Variants in SDK1 observed in about 807,000 individuals in gnomAD.
SDK1 encodes the protein sidekick cell adhesion molecule 1, also known as protein sidekick-1.
Under a neutral mutation model 245.5 loss-of-function variants are expected in SDK1, and 157 were observed. The ratio of observed to expected loss-of-function variants is 0.64; its 90% CI spans 0.56 to 0.73. SDK1 has a LOEUF of 0.73. SDK1 is among the 30% of genes least tolerant of loss of function. SDK1 has a pLI of 0.00. For synonymous variants in SDK1, 1,647 were observed against 1,278.5 expected (o/e 1.29, Z -6.15); for missense variants, 3,583 against 3,002.3 (o/e 1.19, Z -4.52).
chr7:4,250,407 G>A (rs989613537), intron 44 of SDK1, among the ~76,000 whole-genome samples: 1 of 151,916 alleles, frequency 6.6e-6, no homozygotes, highest in African/African-American at 2.4e-5. Context: ...GCAGTGGCAT[G>A]ATCTCAGCTC....
intron 1 of SDK1, among the ~76,000 whole-genome samples, chr7:3,340,058 A>C (rs1451264659): frequency 6.6e-6 from 1 of 152,192 alleles, no homozygotes; most frequent in Non-Finnish European, 1.5e-5. Context: ...GAAATCCCAC[A>C]GATAACTTTG....
intron 32 of SDK1, among the ~76,000 whole-genome samples, chr7:4,172,281 A>G (rs1387759709): frequency 6.6e-6 from 1 of 150,894 alleles, no homozygotes; most frequent in Non-Finnish European, 1.5e-5. Context: ...ATTTTGGAAA[A>G]CCTCCTGAGT....
chr7:4,112,177 T>C (rs1359566756), intron 23 of SDK1, among the ~76,000 whole-genome samples: 1 of 152,100 alleles, frequency 6.6e-6, no homozygotes, highest in Non-Finnish European at 1.5e-5. Flanking sequence ...AAGGTGAACA[T>C]TGGTTCAGTC....
Position 4,114,209 on chromosome 7 carries a change from A to G in SDK1, c.3758A>G (p.Gln1253Arg), listed in dbSNP as rs754875378. Residue 1253 changes from glutamine (Q) to arginine (R), a missense_variant, in exon 25 of 45, where the codon CAG becomes CGG. Transcript: ENST00000404826. ...EEWMEYELQM[Q>R]AFNAVGAGPW... is the part of the protein sequence containing the mutation. ...TGGATGGAATACGAGCTGCAGATGCAGGCCTTCAACGCCGTCGGGGCTGGG... is the reference window on the plus strand; with the variant it reads ...TGGATGGAATACGAGCTGCAGATGCGGGCCTTCAACGCCGTCGGGGCTGGG... 8.7e-6 allele frequency: 14 copies of G among 1,613,824 alleles called. No homozygotes were observed. The highest frequency in any genetic ancestry group is 1.7e-6 in the Non-Finnish European group (2 of 1,179,978).
At chr7:3,505,238 C>T (rs1270249702) in intron 1 of SDK1, among the ~76,000 whole-genome samples, 2 of 152,036 alleles carry the variant, frequency 1.3e-5, no homozygotes, top group Non-Finnish European at 2.9e-5. Flanking sequence ...TTACAATACA[C>T]ATCTGTAATT....
chr7:3,962,790 C>A lies in SDK1; in HGVS notation c.1368C>A (p.Phe456Leu). 6.2e-7 allele frequency: 1 copy of A among 1,613,668 alleles called. No individual in the cohort carries two copies. The highest frequency in any genetic ancestry group is 8.5e-7 in the Non-Finnish European group (1 of 1,179,828). Residue 456 changes from phenylalanine (F) to leucine (L), a missense_variant, in exon 9 of 45, where the codon TTC becomes TTA. Physicochemically the swap from Phe to Leu is conservative, Grantham distance 22 (BLOSUM62 0). Transcript: ENST00000404826. ...QKLRPEDSGI[F>L]QCFASNEGGE... is the part of the protein sequence containing the mutation. ...TGCGTCCAGAGGACTCCGGAATCTT[C>A]CAGTGCTTCGCCAGCAATGAAGGAG...
intron 5 of SDK1, among the ~76,000 whole-genome samples, chr7:3,895,670 G>C (rs1781585941): frequency 6.6e-6 from 1 of 152,072 alleles, no homozygotes; most frequent in Non-Finnish European, 1.5e-5. Context: ...GCGTAAAGTG[G>C]ATACTTAGAT....
At chr7:3,828,293 T>TAATA (rs1013752533) in intron 5 of SDK1, among the ~76,000 whole-genome samples, 1 of 151,738 alleles carries the variant, frequency 6.6e-6, no homozygotes, top group Non-Finnish European at 1.5e-5. Flanking sequence ...AAAATAATAA[T>TAATA]AATAAATAAA....
At chr7:3,687,406 C>T (rs892704976) in intron 4 of SDK1, among the ~76,000 whole-genome samples, 2 of 152,144 alleles carry the variant, frequency 1.3e-5, no homozygotes, top group Admixed American at 6.5e-5. Flanking sequence ...GGATTACAGG[C>T]GTGAGCCACC....
intron 5 of SDK1, among the ~76,000 whole-genome samples, chr7:3,877,391 A>G (rs888984389): frequency 6.6e-6 from 1 of 152,178 alleles, no homozygotes; most frequent in East Asian, 1.9e-4. Flanking sequence ...CTGCTATGAC[A>G]TTGTTAAACG....
chr7:3,500,196 A>G (rs1194184013), intron 1 of SDK1, among the ~76,000 whole-genome samples: 3 of 151,964 alleles, frequency 2.0e-5, no homozygotes, highest in Non-Finnish European at 4.4e-5. Flanking sequence ...TTTAGCTCTG[A>G]TCCTGTGATC....
rs180981046 is a variant in SDK1, at chr7:3,892,820, A to G, written c.848-58103A>G. Among the ~76,000 whole-genome samples the G allele has an allele frequency of 1.4e-3, 209 of 152,232 alleles. 1 individual carries two copies. Among genetic ancestry groups the G allele is most frequent in the African/African-American group, 4.9e-3 (203 of 41,542 alleles). On this transcript the variant is annotated intron_variant, in intron 5 of 44. Transcript: ENST00000404826. Reference sequence around the variant, plus strand: ...CAGTCCGGAAAGCTGAGTTCCTCTTACCCGTATCCCTGCAGCAAGCCACTT... The same window carrying G: ...CAGTCCGGAAAGCTGAGTTCCTCTTGCCCGTATCCCTGCAGCAAGCCACTT...
At chr7:3,913,589 G>A (rs75928851) in intron 5 of SDK1, among the ~76,000 whole-genome samples, 8,633 of 152,002 alleles carry the variant, frequency 0.057, 782 homozygotes, top group African/African-American at 0.19. Context: ...CACCGTGCCC[G>A]GCCCTGTTAC....
intron 5 of SDK1, among the ~76,000 whole-genome samples, chr7:3,939,746 C>G (rs185480006): frequency 5.4e-4 from 82 of 152,334 alleles, no homozygotes; most frequent in African/African-American, 1.9e-3. Context: ...CCTGAGCTAT[C>G]CAGATGCCTG....
chr7:3,831,022 G>C (rs768380837), intron 5 of SDK1, among the ~76,000 whole-genome samples: 3 of 152,008 alleles, frequency 2.0e-5, no homozygotes, highest in Non-Finnish European at 2.9e-5. Context: ...GAAGTACTTT[G>C]TCTACTCTCC....
intron 4 of SDK1, among the ~76,000 whole-genome samples, chr7:3,715,241 TTTTAC>T (rs1425344660): frequency 1.3e-5 from 2 of 152,220 alleles, no homozygotes; most frequent in African/African-American, 4.8e-5. Context: ...TAAGGTTTTA[TTTTAC>T]TTTTTGCAGA....
chr7:3,764,380 TCATAGATTAAAATAAC>T (rs1481094928), intron 4 of SDK1, among the ~76,000 whole-genome samples: 1 of 152,156 alleles, frequency 6.6e-6, no homozygotes, highest in Non-Finnish European at 1.5e-5. Flanking sequence ...GCGATGCAAT[TCATAGATTAAAATAAC>T]CATCCTAGGC....
intron 1 of SDK1, among the ~76,000 whole-genome samples, chr7:3,553,788 G>C (rs115357109): frequency 1.3e-5 from 2 of 152,264 alleles, no homozygotes; most frequent in African/African-American, 4.8e-5. Flanking sequence ...GAGAGGAATA[G>C]GTGGTTAGGA....
rs573865228 is a variant in SDK1 at position 4,268,265 on chromosome 7, A to G, written c.*2881A>G. The G allele has an allele frequency of 4.0e-6, 4 of 1,002,690 alleles. No homozygotes were observed. In the South Asian group the frequency reaches 1.7e-4, roughly 43 times the overall value. 62.1% of individuals were successfully genotyped at this position (1,002,690 alleles called of 1,614,324 possible). A position where few individuals can be genotyped will look rare whatever the true frequency, so the allele number is the denominator to read the frequency against. On this transcript the variant is annotated 3_prime_UTR_variant, in exon 45 of 45. Coordinates refer to ENST00000404826, the MANE Select transcript of SDK1 (RefSeq NM_152744.4). ...GTGGCCAGGAGGCTCCGTCTGAGCC[A>G]CAGGGATGGGTGTGCAGAGCTCCCT...
Sources: allele counts gnomAD v4.1 joint callset (sites outside exome capture counted in the v4.1 genomes callset), GRCh38; gene constraint gnomAD v4.1.1; transcripts MANE v1.5; gene names NCBI Gene and HGNC (gene_info 2026-07-23, HGNC 2026-07-21).